The following PLBD1 variants were observed in gnomAD, a reference collection of about 807,000 sequenced individuals.
PLBD1 encodes phospholipase B domain containing 1.
In PLBD1, 60 loss-of-function variants were observed where a neutral mutation model predicts 63.0. That is an observed-to-expected ratio of 0.95 (90% CI 0.77 to 1.18). The LOEUF (loss-of-function observed/expected upper bound fraction) is 1.18. PLBD1 is among the 50% of genes most tolerant of loss of function. The pLI is 0.00. For missense variants in PLBD1, 598 were observed against 677.9 expected (o/e 0.88, Z 1.31); for synonymous variants, 262 against 248.0 (o/e 1.06, Z -0.53).
Position 14,503,960 on chromosome 12 carries a change from AAG to A in PLBD1, c.1480-8_1480-7del, listed in dbSNP as rs763688094. On this transcript the variant is annotated splice_polypyrimidine_tract_variant and splice_region_variant and intron_variant, in intron 10 of 10. Transcript: ENST00000240617. ...GCTAGGTAGATATCTGCCACCTGGA[AAG>A]AGGGAGGAGGAGGACATTTTAGAAA... The A allele has an allele frequency of 1.3e-6, 2 of 1,595,482 alleles. No homozygotes were observed. Among genetic ancestry groups the A allele is most frequent in the South Asian group, 1.1e-5 (1 of 88,590 alleles).
chr12:14,538,428 A>G (rs760156389), intron 4 of PLBD1, among the ~76,000 whole-genome samples: 2 of 152,108 alleles, frequency 1.3e-5, no homozygotes, highest in African/African-American at 2.4e-5. Flanking sequence ...TCCTGACCTC[A>G]GGTGATCCAC....
intron 2 of PLBD1, among the ~76,000 whole-genome samples, chr12:14,550,515 T>C (rs1281060324): frequency 6.6e-6 from 1 of 152,192 alleles, no homozygotes; most frequent in African/African-American, 2.4e-5. Flanking sequence ...CTGAATAGTA[T>C]AGCGAGTGTC....
rs549454144 is a variant in PLBD1, at chr12:14,554,967, C to T, written c.116-1555G>A. Among the ~76,000 whole-genome samples the T allele has an allele frequency of 2.2e-4, 34 of 152,242 alleles. No individual in the cohort carries two copies. The East Asian group carries it at 2.9e-3, about 13-fold the overall frequency. Reference sequence around the variant, plus strand: ...TTTTCTCTCTCAGTGATCTCCCAGCCTGAAATTTGAATCCATCCTGGCTTC... The same window carrying T: ...TTTTCTCTCTCAGTGATCTCCCAGCTTGAAATTTGAATCCATCCTGGCTTC... On this transcript the variant is annotated intron_variant, in intron 1 of 10. Transcript: ENST00000240617.
intron 8 of PLBD1, among the ~76,000 whole-genome samples, 187 bp from the exon 9 acceptor site, chr12:14,507,305 T>C (rs1001812543): frequency 2.0e-5 from 3 of 152,210 alleles, no homozygotes; most frequent in African/African-American, 7.2e-5. Flanking sequence ...GCCTTTTAAA[T>C]TTCCTAAATC....
intron 6 of PLBD1, among the ~76,000 whole-genome samples, chr12:14,513,788 T>G (rs1781302168): frequency 6.6e-6 from 1 of 151,924 alleles, no homozygotes; most frequent in Admixed American, 6.6e-5. Context: ...TAGTTTTTTT[T>G]TTTTTTTTTG....
intron 1 of PLBD1, among the ~76,000 whole-genome samples, chr12:14,563,972 C>G (rs956907705): frequency 6.6e-6 from 1 of 152,230 alleles, no homozygotes; most frequent in African/African-American, 2.4e-5. Flanking sequence ...GGTGCAGTGG[C>G]GGTCGCCTGA....
intron 3 of PLBD1, among the ~76,000 whole-genome samples, chr12:14,541,299 A>G: frequency 6.6e-6 from 1 of 152,222 alleles, no homozygotes; most frequent in Non-Finnish European, 1.5e-5. Flanking sequence ...AAGTTAAACA[A>G]CGGGACAAAA....
intron 2 of PLBD1, among the ~76,000 whole-genome samples, chr12:14,546,390 G>A (rs80019922): frequency 0.013 from 2,004 of 151,394 alleles, 41 homozygotes; most frequent in African/African-American, 0.046. Context: ...CCAATAACTT[G>A]TGGGCTCTTC....
At position 14,567,654 on chromosome 12, in the gene PLBD1, G is replaced by A. The variant is rs1374194295; in HGVS notation, c.43C>T (p.Pro15Ser). The A allele has an allele frequency of 3.3e-6, 5 of 1,492,674 alleles. No individual in the cohort carries two copies. Among genetic ancestry groups the A allele is most frequent in the Non-Finnish European group, 4.4e-6 (5 of 1,129,452 alleles). The allele number at this position is 1,492,674 out of a possible 1,614,324, so 92.5% of individuals were successfully genotyped here. A position where few individuals can be genotyped will look rare whatever the true frequency, so the allele number is the denominator to read the frequency against. The change falls in exon 1 of 11, where the codon CCG (proline) becomes TCG (serine). Residue 15 changes from proline (P) to serine (S), a missense_variant. Pro to Ser is a moderately conservative substitution (Grantham distance 74). Coordinates refer to ENST00000240617, the MANE Select transcript of PLBD1 (RefSeq NM_024829.6). ...AGCAGCAGCAGCAGAAGCGGTGGCG[G>A]CTGTGGCAGCCCCGGGCGCCCGCCC... ...GPGGRPGLPQ[P>S]PPLLLLLLLL...
intron 6 of PLBD1, among the ~76,000 whole-genome samples, chr12:14,524,026 G>T (rs1945397674): frequency 6.6e-6 from 1 of 151,986 alleles, no homozygotes; most frequent in South Asian, 2.1e-4. Flanking sequence ...GAGCCCTGAG[G>T]GCATTATGTT....
At chr12:14,564,449 G>A (rs1945765417) in intron 1 of PLBD1, among the ~76,000 whole-genome samples, 1 of 152,148 alleles carries the variant, frequency 6.6e-6, no homozygotes, top group Non-Finnish European at 1.5e-5. Flanking sequence ...GCAGTGGAGG[G>A]GCACTCTCTC....
intron 6 of PLBD1, among the ~76,000 whole-genome samples, chr12:14,523,589 T>C (rs4764098): frequency 0.96 from 146,382 of 152,306 alleles, 70,526 homozygotes; most frequent in East Asian, 1. Context: ...TACTACAAAG[T>C]TATAATAACC....
chr12:14,509,285 G>T (rs1042162542), intron 8 of PLBD1, among the ~76,000 whole-genome samples: 2 of 152,084 alleles, frequency 1.3e-5, no homozygotes, highest in African/African-American at 4.8e-5. Context: ...GAGTTTCAAG[G>T]GGTCTAGGAA....
Position 14,567,673 on chromosome 12 carries a change from C to G in PLBD1, c.24G>C (p.Gly8=). 1 of 1,473,318 alleles carries G rather than the reference C, an allele frequency of 6.8e-7. No individual in the cohort carries two copies. The highest frequency in any genetic ancestry group is 8.9e-7 in the Non-Finnish European group (1 of 1,122,876). The allele number at this position is 1,473,318 out of a possible 1,614,324, so 91.3% of individuals were successfully genotyped here. A position where few individuals can be genotyped will look rare whatever the true frequency, so the allele number is the denominator to read the frequency against. MTRGGPG[G]RPGLPQPPPL... ...GTGGCGGCTGTGGCAGCCCCGGGCG[C>G]CCGCCCGGACCGCCGCGGGTCATCG... is the stretch of plus-strand genomic sequence containing the variant. Residue 8 remains glycine (G), a synonymous_variant, in exon 1 of 11, where the codon GGG becomes GGC. Coordinates refer to ENST00000240617, the MANE Select transcript of PLBD1 (RefSeq NM_024829.6).
intron 8 of PLBD1, among the ~76,000 whole-genome samples, chr12:14,510,236 C>A (rs1565570701): frequency 6.6e-6 from 1 of 151,984 alleles, no homozygotes; most frequent in Non-Finnish European, 1.5e-5. Flanking sequence ...ACTAAAAACA[C>A]ACAAAAAATT....
chr12:14,508,425 C>T (rs12314736), intron 8 of PLBD1, among the ~76,000 whole-genome samples: 5,415 of 152,236 alleles, frequency 0.036, 310 homozygotes, highest in African/African-American at 0.12. Context: ...AAATGAATAA[C>T]GAAAATGTCT....
intron 2 of PLBD1, among the ~76,000 whole-genome samples, chr12:14,544,817 C>T (rs1945604703): frequency 6.6e-6 from 1 of 151,920 alleles, no homozygotes; most frequent in African/African-American, 2.4e-5. Flanking sequence ...ACTTCTTATT[C>T]CTTGTTTAAT....
chr12:14,548,034 A>G (rs1268628026), intron 2 of PLBD1, among the ~76,000 whole-genome samples: 1 of 152,244 alleles, frequency 6.6e-6, no homozygotes, highest in Admixed American at 6.5e-5. Flanking sequence ...AAATAACTCA[A>G]CATATGTCAA....
chr12:14,512,784 C>A (rs1157107537), intron 6 of PLBD1, among the ~76,000 whole-genome samples: 1 of 152,144 alleles, frequency 6.6e-6, no homozygotes, highest in Non-Finnish European at 1.5e-5. Context: ...TCGGTGCATC[C>A]TGCTGAAGGG....
Sources: allele counts gnomAD v4.1 joint callset (sites outside exome capture counted in the v4.1 genomes callset), GRCh38; gene constraint gnomAD v4.1.1; transcripts MANE v1.5; gene names NCBI Gene and HGNC (gene_info 2026-07-23, HGNC 2026-07-21).